The following ANKRD30BL variants were observed in gnomAD, a reference collection of about 807,000 sequenced individuals.
The protein encoded by ANKRD30BL is ankyrin repeat domain 30B like.
A neutral mutation model predicts 18.4 loss-of-function variants in ANKRD30BL; 20 were observed. That is an observed-to-expected ratio of 1.09 (90% CI 0.77 to 1.58). ANKRD30BL has a LOEUF of 1.58. Ranked by LOEUF, ANKRD30BL falls within the 40% of genes most tolerant of loss-of-function variation. The pLI is 0.00. For missense variants in ANKRD30BL, 224 were observed against 268.6 expected, an observed-to-expected ratio of 0.83 and a Z score of 1.16; for synonymous variants, 72 against 100.9, an observed-to-expected ratio of 0.71 and a Z score of 1.72.
intron 1 of ANKRD30BL, among the ~76,000 whole-genome samples, chr2:132,214,822 T>C (rs373925641): frequency 6.6e-6 from 1 of 151,700 alleles, no homozygotes; most frequent in African/African-American, 2.4e-5. Flanking sequence ...TTGAGGCCTA[T>C]GGTGAAAAGG....
chr2:132,239,470 C>T (rs941033798), intron 1 of ANKRD30BL, among the ~76,000 whole-genome samples: 1 of 150,404 alleles, frequency 6.6e-6, no homozygotes, highest in African/African-American at 2.4e-5. Flanking sequence ...AAATATCTTC[C>T]CATGAAAAGT....
intron 1 of ANKRD30BL, among the ~76,000 whole-genome samples, chr2:132,253,913 C>T (rs74543495): frequency 2.6e-5 from 4 of 151,910 alleles, no homozygotes; most frequent in African/African-American, 7.2e-5. Flanking sequence ...GCAGAGGTGA[C>T]GATGGTGGCA....
At chr2:132,194,598 C>A (rs1678926235) in intron 1 of ANKRD30BL, among the ~76,000 whole-genome samples, 1 of 152,164 alleles carries the variant, frequency 6.6e-6, no homozygotes, top group Admixed American at 6.5e-5. Context: ...TCTTTCTACC[C>A]CAATCAGCCT....
At chr2:132,177,266 G>C (rs1246503882) in intron 1 of ANKRD30BL, among the ~76,000 whole-genome samples, 1 of 151,978 alleles carries the variant, frequency 6.6e-6, no homozygotes, top group African/African-American at 2.4e-5. Context: ...CGATTCTCCT[G>C]CCTCAGCCTC....
chr2:132,234,516 T>G (rs1453641811), intron 1 of ANKRD30BL, among the ~76,000 whole-genome samples: 1 of 151,982 alleles, frequency 6.6e-6, no homozygotes, highest in Non-Finnish European at 1.5e-5. Flanking sequence ...TCACCACCGA[T>G]CTCACAGAAA....
intron 1 of ANKRD30BL, among the ~76,000 whole-genome samples, chr2:132,205,952 A>C (rs1479276898): frequency 6.6e-6 from 1 of 152,146 alleles, no homozygotes; most frequent in East Asian, 1.9e-4. Flanking sequence ...CAACATCAGC[A>C]GTTCAAGACC....
intron 4 of ANKRD30BL, chr2:132,153,804 G>A: frequency 2.3e-6 from 1 of 427,920 alleles, no homozygotes; most frequent in South Asian, 2.0e-5. Context: ...AGTATCTTGA[G>A]TGCTCAAGTG....
chr2:132,156,835 A>C (rs1423546078), intron 3 of ANKRD30BL, 138 bp downstream of exon 3: 6 of 421,238 alleles, frequency 1.4e-5, no homozygotes, highest in Admixed American at 4.2e-5. Context: ...GCAAAATCCT[A>C]GACAATTAAG....
chr2:132,158,186 T>G (rs1687963296), intron 1 of ANKRD30BL, among the ~76,000 whole-genome samples: 1 of 152,064 alleles, frequency 6.6e-6, no homozygotes, highest in Non-Finnish European at 1.5e-5. Flanking sequence ...AAATTTTAGC[T>G]TTTAAGAGTG....
intron 1 of ANKRD30BL, among the ~76,000 whole-genome samples, chr2:132,207,961 C>T (rs1031110298): frequency 6.6e-6 from 1 of 152,144 alleles, no homozygotes; most frequent in African/African-American, 2.4e-5. Flanking sequence ...TTATTAGTAT[C>T]CCAATGTGAA....
intron 1 of ANKRD30BL, among the ~76,000 whole-genome samples, chr2:132,256,576 C>G (rs752040133): frequency 2.0e-5 from 3 of 152,224 alleles, no homozygotes; most frequent in East Asian, 1.9e-4. Flanking sequence ...GGCGGCCCCT[C>G]GCGGCACCTG....
chr2:132,222,936 A>G (rs1679734667), intron 1 of ANKRD30BL, among the ~76,000 whole-genome samples: 1 of 151,342 alleles, frequency 6.6e-6, no homozygotes, highest in Non-Finnish European at 1.5e-5. Flanking sequence ...AAAAGGAAAT[A>G]TGTTCACATA....
intron 1 of ANKRD30BL, among the ~76,000 whole-genome samples, chr2:132,187,956 G>T (rs1168309550): frequency 6.6e-6 from 1 of 151,910 alleles, no homozygotes; most frequent in East Asian, 1.9e-4. Flanking sequence ...GACCATGTTG[G>T]CCTGGCTGGT....
chr2:132,210,337 G>A (rs112103777), intron 1 of ANKRD30BL, among the ~76,000 whole-genome samples: 26 of 151,878 alleles, frequency 1.7e-4, no homozygotes, highest in Admixed American at 3.3e-4. Context: ...TATTTGGAGC[G>A]CTTTGCGGCC....
At chr2:132,222,837 A>AAG (rs1679730191) in intron 1 of ANKRD30BL, among the ~76,000 whole-genome samples, 1 of 114,966 alleles carries the variant, frequency 8.7e-6, no homozygotes, top group African/African-American at 6.1e-5. Context: ...ATCAATAAAA[A>AAG]AAAAAAAAAA....
intron 1 of ANKRD30BL, among the ~76,000 whole-genome samples, chr2:132,257,249 C>A (rs75678647): frequency 6.6e-6 from 1 of 152,318 alleles, no homozygotes; most frequent in African/African-American, 2.4e-5. Context: ...CAGGGCCAGG[C>A]GGCCCAACCC....
chr2:132,158,988 T>A (rs1217705152), intron 1 of ANKRD30BL, among the ~76,000 whole-genome samples: 1 of 152,010 alleles, frequency 6.6e-6, no homozygotes, highest in Non-Finnish European at 1.5e-5. Flanking sequence ...CAAAAATTTT[T>A]CATTAATAAT....
Position 132,161,746 on chromosome 2 carries a change from G to C in ANKRD30BL, c.-41C>G. The C allele has an allele frequency of 1.1e-6, 1 of 946,224 alleles. No homozygotes were observed. Among genetic ancestry groups the C allele is most frequent in the Non-Finnish European group, 1.7e-6 (1 of 601,290 alleles). 58.6% of individuals were successfully genotyped at this position (946,224 alleles called of 1,614,324 possible). On this transcript the variant is annotated 5_prime_UTR_variant, in exon 1 of 6. Transcript: ENST00000409867. ...CTAGAGAGAGCCCGTGCCTCCCGCT[G>C]CTCGCCCTTCCCCAGTCCCCGCCGC... is the stretch of plus-strand genomic sequence containing the variant.
chr2:132,167,587 G>A (rs576363235), intron 1 of ANKRD30BL, among the ~76,000 whole-genome samples: 8 of 152,248 alleles, frequency 5.3e-5, no homozygotes, highest in Non-Finnish European at 1.0e-4. Context: ...GGAATTACTG[G>A]CAGGAGCCAC....
Sources: gnomAD v4.1 joint callset for allele counts (sites outside exome capture counted in the v4.1 genomes callset) on GRCh38, gnomAD v4.1.1 for gene constraint, MANE v1.5 for transcripts, NCBI Gene and HGNC (gene_info 2026-07-23, HGNC 2026-07-21) for gene names.